PKNOX2: variants seen among roughly 807,000 people sequenced by gnomAD.
PKNOX2 encodes the protein homeobox protein PKNOX2.
A neutral mutation model predicts 53.1 loss-of-function variants in PKNOX2; 14 were observed. The observed-to-expected ratio is 0.26, with a 90% CI of 0.17 to 0.41. PKNOX2 has a LOEUF of 0.41. Among genes scored for constraint, PKNOX2 ranks in the 10% least tolerant of loss-of-function variants. PKNOX2 has a pLI of 1.00. For missense variants in PKNOX2, 496 were observed against 602.8 expected (o/e 0.82, Z 1.85); for synonymous variants, 257 against 242.8 (o/e 1.06, Z -0.54).
Position 125,431,417 on chromosome 11 carries a change from C to T in PKNOX2, c.*25C>T. 1 of 1,543,214 alleles carries T rather than the reference C, an allele frequency of 6.5e-7. No homozygotes were observed. Among genetic ancestry groups the T allele is most frequent in the African/African-American group, 1.5e-5 (1 of 67,382 alleles). ...GTCGGGCAGCCCAGATGGCACTGAT[C>T]ACTGAGCAGGAGAGGAGTGTCGCCG... On this transcript the variant is annotated 3_prime_UTR_variant, in exon 13 of 13. Transcript: ENST00000298282.
intron 1 of PKNOX2, among the ~76,000 whole-genome samples, chr11:125,184,627 C>T (rs1313970258): frequency 2.6e-5 from 4 of 152,208 alleles, no homozygotes; most frequent in Admixed American, 2.6e-4. Flanking sequence ...GCCTGCAGTG[C>T]TGGGCTCCTT....
chr11:125,318,273 A>ATTTTTTTTTTTTTTTTTT (rs906412845), intron 2 of PKNOX2, among the ~76,000 whole-genome samples: 1 of 133,424 alleles, frequency 7.5e-6, no homozygotes. Flanking sequence ...TGCCTGGCTA[A>ATTTTTTTTTTTTTTTTTT]TTTTTTTTTT....
At chr11:125,167,700 G>A (rs888701988) in intron 1 of PKNOX2, among the ~76,000 whole-genome samples, 1 of 152,154 alleles carries the variant, frequency 6.6e-6, no homozygotes, top group African/African-American at 2.4e-5. Context: ...CTGCTTTTAA[G>A]TCTATAGATT....
chr11:125,222,644 C>CATGT (rs1565472865), intron 1 of PKNOX2, among the ~76,000 whole-genome samples: 6 of 129,764 alleles, frequency 4.6e-5, no homozygotes, highest in African/African-American at 1.8e-4. Context: ...TATGTGTGTG[C>CATGT]GTATGTGTGT....
At chr11:125,355,644 G>A (rs967157011) in intron 4 of PKNOX2, among the ~76,000 whole-genome samples, 1 of 152,112 alleles carries the variant, frequency 6.6e-6, no homozygotes, top group East Asian at 1.9e-4. Context: ...CTGCCATAGT[G>A]GGCCTGGCTG....
At chr11:125,342,373 C>G (rs965147385) in intron 3 of PKNOX2, among the ~76,000 whole-genome samples, 1 of 152,138 alleles carries the variant, frequency 6.6e-6, no homozygotes, top group Admixed American at 6.5e-5. Flanking sequence ...CCACCAGCCC[C>G]TGCTCCGGCC....
chr11:125,176,027 T>C (rs1211491022), intron 1 of PKNOX2, among the ~76,000 whole-genome samples: 1 of 152,160 alleles, frequency 6.6e-6, no homozygotes, highest in East Asian at 1.9e-4. Flanking sequence ...CAGCCATGTT[T>C]GGGTGATTCA....
At chr11:125,196,478 C>A (rs1403095648) in intron 1 of PKNOX2, among the ~76,000 whole-genome samples, 1 of 152,194 alleles carries the variant, frequency 6.6e-6, no homozygotes, top group Non-Finnish European at 1.5e-5. Context: ...ATGGGAGCTC[C>A]CAACATCCTC....
chr11:125,351,152 T>C lies in PKNOX2; in HGVS notation c.-22-132T>C, dbSNP rs1032215498. 5.3e-5 allele frequency: 37 copies of C among 694,106 alleles called. No individual in the cohort carries two copies. The African/African-American group carries it at 5.6e-4, about 11-fold the overall frequency. 43.0% of individuals were successfully genotyped at this position (694,106 alleles called of 1,614,324 possible). On this transcript the variant is annotated intron_variant, in intron 3 of 12. Coordinates refer to ENST00000298282, the MANE Select transcript of PKNOX2 (RefSeq NM_001382323.2). ...CTTCCTTAGCTCTCATTTGTTGCCC[T>C]GAAGGGCGTGCAACCCTTGCCGCAT... is the stretch of plus-strand genomic sequence containing the variant.
At chr11:125,282,619 A>G (rs1189472317) in intron 2 of PKNOX2, among the ~76,000 whole-genome samples, 2 of 152,230 alleles carry the variant, frequency 1.3e-5, no homozygotes, top group Admixed American at 1.3e-4. Context: ...CTGTCATCCA[A>G]TGAGGGAAAT....
intron 2 of PKNOX2, among the ~76,000 whole-genome samples, chr11:125,243,773 C>T (rs1275724067): frequency 1.3e-5 from 2 of 152,130 alleles, no homozygotes; most frequent in Admixed American, 1.3e-4. Flanking sequence ...CAGGTGCCCG[C>T]CACCATGCCT....
chr11:125,400,317 C>A (rs1201359488), intron 7 of PKNOX2, among the ~76,000 whole-genome samples: 1 of 152,204 alleles, frequency 6.6e-6, no homozygotes, highest in Non-Finnish European at 1.5e-5. Flanking sequence ...ACGGTGATTA[C>A]ACATAGGCTA....
chr11:125,277,585 G>GT (rs1277914713), intron 2 of PKNOX2: 1 of 152,182 alleles, frequency 6.6e-6, no homozygotes, highest in Non-Finnish European at 1.5e-5. Context: ...ACCAAAACGG[G>GT]TGTGACACAG....
intron 1 of PKNOX2, among the ~76,000 whole-genome samples, chr11:125,169,633 A>G (rs116871158): frequency 6.6e-6 from 1 of 152,302 alleles, no homozygotes; most frequent in Non-Finnish European, 1.5e-5. Context: ...AGTGGAATGT[A>G]TCACACACAG....
In PKNOX2 at chr11:125,275,644, G is replaced by A. The variant is rs150733782; in HGVS notation, c.-130+40529G>A. The stretch of plus-strand genomic sequence containing the variant: ...ACTTCTTGATGGATTGAATGTAGTT[G>A]AGGAAAGGAAGGAACCAAGACTGAT... On this transcript the variant is annotated intron_variant, in intron 2 of 12. Coordinates refer to ENST00000298282, the MANE Select transcript of PKNOX2 (RefSeq NM_001382323.2). Among the ~76,000 whole-genome samples, 142 of 152,298 alleles carry A rather than the reference G, an allele frequency of 9.3e-4. 1 individual carries two copies. The highest frequency in any genetic ancestry group is 3.4e-3 in the Middle Eastern group (1 of 294).
At chr11:125,396,533 TC>T (rs1954410480) in intron 6 of PKNOX2, among the ~76,000 whole-genome samples, 1 of 151,610 alleles carries the variant, frequency 6.6e-6, no homozygotes, top group African/African-American at 2.4e-5. Context: ...TAGCTTTTTT[TC>T]CTGTCACTTC....
Position 125,431,661 on chromosome 11 carries a change from T to C in PKNOX2, c.*269T>C, listed in dbSNP as rs1956708801. 2 of 493,478 alleles carry C rather than the reference T, an allele frequency of 4.1e-6. No homozygotes were observed. Among genetic ancestry groups the C allele is most frequent in the Middle Eastern group, 5.5e-4 (1 of 1,814 alleles). The allele number at this position is 493,478 out of a possible 1,614,324, so 30.6% of individuals were successfully genotyped here. A position where few individuals can be genotyped will look rare whatever the true frequency, so the allele number is the denominator to read the frequency against. On this transcript the variant is annotated 3_prime_UTR_variant, in exon 13 of 13. Transcript: ENST00000298282. ...AGCAGCCTGTGTGGAAAGACAGGAG[T>C]GAGATCTGGACTCACCAAATCCCTG...
chr11:125,296,533 C>G (rs1947669317), intron 2 of PKNOX2, among the ~76,000 whole-genome samples: 1 of 152,160 alleles, frequency 6.6e-6, no homozygotes, highest in Admixed American at 6.6e-5. Context: ...GAGTGAGCCC[C>G]TCTCCCTCCC....
rs1183932943 is a variant in PKNOX2 at position 125,430,111 on chromosome 11, C to A, written c.1162C>A (p.Gln388Lys). 1 of 1,614,088 alleles carries A rather than the reference C, an allele frequency of 6.2e-7. No individual in the cohort carries two copies. Among genetic ancestry groups the A allele is most frequent in the Non-Finnish European group, 8.5e-7 (1 of 1,179,968 alleles). Reference sequence around the variant, plus strand: ...CATCGCTGCGGGGGTGCTGCAGCAGCAGGGCGGTGCCCCAGGGACAAACCC... The same window carrying A: ...CATCGCTGCGGGGGTGCTGCAGCAGAAGGGCGGTGCCCCAGGGACAAACCC... ...NSIAAGVLQQQGGAPGTNPDG... is the reference protein window; with the variant it reads ...NSIAAGVLQQKGGAPGTNPDG... Residue 388 changes from glutamine to lysine, a missense_variant, in exon 12 of 13, where the codon CAG becomes AAG. Transcript: ENST00000298282.
Sources: gnomAD v4.1 joint callset for allele counts (sites outside exome capture counted in the v4.1 genomes callset) on GRCh38, gnomAD v4.1.1 for gene constraint, MANE v1.5 for transcripts, NCBI Gene and HGNC (gene_info 2026-07-23, HGNC 2026-07-21) for gene names.